CFAP299: variants seen among roughly 807,000 people sequenced by gnomAD.
The protein encoded by CFAP299 is cilia and flagella associated protein 299.
A neutral mutation model predicts 27.0 loss-of-function variants in CFAP299; 21 were observed. The ratio of observed to expected loss-of-function variants is 0.78; its 90% CI spans 0.55 to 1.12. CFAP299 has a LOEUF of 1.12. Among genes scored for constraint, CFAP299 ranks in the 50% most tolerant of loss-of-function variants. The pLI is 0.00. For synonymous variants in CFAP299, 104 were observed against 98.1 expected (o/e 1.06, Z -0.36); for missense variants, 310 against 276.6 (o/e 1.12, Z -0.86).
Position 80,739,519 on chromosome 4 carries a change from G to A in CFAP299, c.334-130474G>A, listed in dbSNP as rs143239579. Among the ~76,000 whole-genome samples the A allele has an allele frequency of 2.6e-3, 398 of 151,954 alleles. 5 individuals carry two copies. Among genetic ancestry groups the A allele is most frequent in the East Asian group, 0.011 (57 of 5,180 alleles). The stretch of plus-strand genomic sequence containing the variant: ...AAATATGTCATGCCACTTTCTCTTG[G>A]CCTGTAAGGTTTCCACTGAAAAGTG... On this transcript the variant is annotated intron_variant, in intron 3 of 5. Coordinates refer to ENST00000358105, the MANE Select transcript of CFAP299 (RefSeq NM_152770.3).
At chr4:80,897,862 G>T (rs372912902) in intron 4 of CFAP299, among the ~76,000 whole-genome samples, 2 of 152,142 alleles carry the variant, frequency 1.3e-5, no homozygotes, top group Admixed American at 1.3e-4. Context: ...TTGAAACAGG[G>T]TATTTCCCTG....
intron 2 of CFAP299, among the ~76,000 whole-genome samples, chr4:80,477,455 C>T (rs1730338023): frequency 6.6e-6 from 1 of 152,150 alleles, no homozygotes; most frequent in South Asian, 2.1e-4. Flanking sequence ...ATTCAGTATT[C>T]ATGGAGATAA....
chr4:80,742,360 A>G (rs1176204639), intron 3 of CFAP299, among the ~76,000 whole-genome samples: 5 of 152,210 alleles, frequency 3.3e-5, no homozygotes, highest in Non-Finnish European at 1.5e-5. Context: ...AAGACTTTAC[A>G]TTTATTTATT....
At chr4:80,860,173 G>A (rs1350443323) in intron 3 of CFAP299, among the ~76,000 whole-genome samples, 3 of 151,776 alleles carry the variant, frequency 2.0e-5, no homozygotes, top group East Asian at 1.9e-4. Flanking sequence ...ATCTTCCATC[G>A]CTGATACCCT....
At chr4:80,599,868 G>A (rs1737241733) in intron 3 of CFAP299, among the ~76,000 whole-genome samples, 1 of 152,038 alleles carries the variant, frequency 6.6e-6, no homozygotes, top group Non-Finnish European at 1.5e-5. Context: ...TGGGCCTTTA[G>A]CAATGATGCA....
At chr4:80,912,266 C>T (rs1035364739) in intron 4 of CFAP299, among the ~76,000 whole-genome samples, 6 of 152,164 alleles carry the variant, frequency 3.9e-5, no homozygotes, top group Admixed American at 1.3e-4. Flanking sequence ...GGAAAATTAA[C>T]ATTTCGGCTG....
chr4:80,679,378 T>C (rs1374097962), intron 3 of CFAP299, among the ~76,000 whole-genome samples: 1 of 152,082 alleles, frequency 6.6e-6, no homozygotes, highest in Non-Finnish European at 1.5e-5. Context: ...AAAAATGCTA[T>C]AATTATATGT....
At chr4:80,702,128 T>C (rs1721530929) in intron 3 of CFAP299, among the ~76,000 whole-genome samples, 1 of 151,974 alleles carries the variant, frequency 6.6e-6, no homozygotes, top group Middle Eastern at 3.4e-3. Flanking sequence ...AATATATTTA[T>C]TTTTTATAAT....
chr4:80,387,483 G>A (rs554908794), intron 2 of CFAP299: 45 of 809,552 alleles, frequency 5.6e-5, no homozygotes, highest in East Asian at 3.4e-4. Context: ...CCTTGCTATC[G>A]CTGGCTGTGG....
chr4:80,503,815 T>C (rs977223789), intron 2 of CFAP299, among the ~76,000 whole-genome samples: 3 of 152,122 alleles, frequency 2.0e-5, no homozygotes, highest in African/African-American at 7.2e-5. Flanking sequence ...ATTTGTAAGA[T>C]TGAGTTAAAA....
intron 3 of CFAP299, among the ~76,000 whole-genome samples, chr4:80,858,336 T>C (rs1732064529): frequency 6.6e-6 from 1 of 152,124 alleles, no homozygotes; most frequent in South Asian, 2.1e-4. Context: ...CTATCAATTT[T>C]GTTGATCCTT....
chr4:80,599,201 C>A (rs1204041285), intron 3 of CFAP299, among the ~76,000 whole-genome samples: 1 of 152,162 alleles, frequency 6.6e-6, no homozygotes, highest in South Asian at 2.1e-4. Context: ...GGATCTCTGT[C>A]CTCCCACCTG....
chr4:80,780,207 T>A (rs560416423), intron 3 of CFAP299, among the ~76,000 whole-genome samples: 3 of 152,164 alleles, frequency 2.0e-5, no homozygotes, highest in Non-Finnish European at 4.4e-5. Flanking sequence ...CATTCTTCAC[T>A]CCATCAACAC....
chr4:80,672,746 C>G (rs1578001578), intron 3 of CFAP299, among the ~76,000 whole-genome samples: 1 of 152,076 alleles, frequency 6.6e-6, no homozygotes, highest in East Asian at 1.9e-4. Flanking sequence ...GTGTATGTGT[C>G]CAAGAATTTA....
At chr4:80,327,705 T>TATAC in the CFAP299 span, among the ~76,000 whole-genome samples, 1 of 135,486 alleles carries the variant, frequency 7.4e-6, no homozygotes, top group Admixed American at 7.1e-5. Flanking sequence ...TATATATATA[T>TATAC]ATATATATAT....
intron 3 of CFAP299, among the ~76,000 whole-genome samples, chr4:80,685,985 C>A (rs1720164264): frequency 6.6e-6 from 1 of 152,128 alleles, no homozygotes; most frequent in Non-Finnish European, 1.5e-5. Flanking sequence ...TAATATATTT[C>A]ATCTTCTTGT....
At chr4:80,700,535 T>C (rs1721409526) in intron 3 of CFAP299, among the ~76,000 whole-genome samples, 1 of 152,052 alleles carries the variant, frequency 6.6e-6, no homozygotes, top group African/African-American at 2.4e-5. Context: ...CACTCGTGTA[T>C]CTAAGTAGCA....
chr4:80,709,090 A>G (rs1721988487), intron 3 of CFAP299, among the ~76,000 whole-genome samples: 1 of 152,190 alleles, frequency 6.6e-6, no homozygotes, highest in South Asian at 2.1e-4. Context: ...CTAAATCAAA[A>G]TGAGCCCAAT....
intron 4 of CFAP299, among the ~76,000 whole-genome samples, chr4:80,899,627 CA>C (rs1399029885): frequency 6.6e-6 from 1 of 152,106 alleles, no homozygotes; most frequent in Non-Finnish European, 1.5e-5. Context: ...CTAGGCATGT[CA>C]GAGATTTCAG....
Sources: allele counts gnomAD v4.1 joint callset (sites outside exome capture counted in the v4.1 genomes callset), GRCh38; gene constraint gnomAD v4.1.1; transcripts MANE v1.5; gene names NCBI Gene and HGNC (gene_info 2026-07-23, HGNC 2026-07-21).